Variants in PDZD2 observed in about 807,000 individuals in gnomAD.
The protein encoded by PDZD2 is PDZ domain-containing protein 2.
Under a neutral mutation model 220.7 loss-of-function variants are expected in PDZD2, and 90 were observed. That is an observed-to-expected ratio of 0.41 (90% CI 0.34 to 0.49). The LOEUF (loss-of-function observed/expected upper bound fraction) is 0.49, where lower values mean the gene tolerates loss of function less well. PDZD2 is among the 20% of genes least tolerant of loss of function. The pLI is 0.28. For missense variants in PDZD2, 3,174 were observed against 3,608.5 expected (o/e 0.88, Z 3.08); for synonymous variants, 1,375 against 1,450.5 (o/e 0.95, Z 1.18).
In PDZD2 at chr5:32,000,943, T is replaced by C. The variant is rs1301830893; in HGVS notation, c.1254+672T>C. 6.6e-6 allele frequency among the ~76,000 whole-genome samples: 1 copy of C among 152,190 alleles called. No individual in the cohort carries two copies. Among genetic ancestry groups the C allele is most frequent in the East Asian group, 1.9e-4 (1 of 5,190 alleles). On this transcript the variant is annotated intron_variant, in intron 5 of 24. Transcript: ENST00000438447. This position sits in a 1 kb window ranked among gnomAD's most constrained non-coding sequence, Gnocchi z 4.5. The stretch of plus-strand genomic sequence containing the variant: ...GAGTGGCCTGTGAGACAGCGTTACC[T>C]CCTGAGAGCTCCGCCTCCTGTCAGA...
chr5:31,915,713 A>G (rs984788385), intron 2 of PDZD2, among the ~76,000 whole-genome samples: 1 of 152,156 alleles, frequency 6.6e-6, no homozygotes, highest in Non-Finnish European at 1.5e-5. Flanking sequence ...GTAGAGACAA[A>G]TATTACTCTT....
chr5:31,934,381 G>C (rs1247496909), intron 2 of PDZD2, among the ~76,000 whole-genome samples: 1 of 152,062 alleles, frequency 6.6e-6, no homozygotes, highest in African/African-American at 2.4e-5. Context: ...CTCCCTGCTG[G>C]TGTTTGGAGA....
At chr5:31,704,343 A>G (rs1452252674) in intron 1 of PDZD2, among the ~76,000 whole-genome samples, 1 of 152,156 alleles carries the variant, frequency 6.6e-6, no homozygotes, top group African/African-American at 2.4e-5. Context: ...CATTTCTTCT[A>G]AATCTTTTTC....
intron 1 of PDZD2, among the ~76,000 whole-genome samples, chr5:31,752,073 G>GTTTTGTTTTTTTTTTTTTTT (rs1751018299): frequency 5.3e-5 from 5 of 95,064 alleles, no homozygotes; most frequent in African/African-American, 2.1e-4. Context: ...TTTTGGGTTT[G>GTTTTGTTTTTTTTTTTTTTT]TTTTTTTTTT....
intron 6 of PDZD2, among the ~76,000 whole-genome samples, chr5:32,029,772 C>T (rs75395448): frequency 0.011 from 1,653 of 152,336 alleles, 14 homozygotes; most frequent in Non-Finnish European, 0.015. Context: ...GTAACAACAG[C>T]CTCTGTCTCT....
chr5:32,028,328 G>C (rs941618725), intron 6 of PDZD2, among the ~76,000 whole-genome samples: 3 of 152,144 alleles, frequency 2.0e-5, no homozygotes, highest in African/African-American at 7.2e-5. Context: ...TTGGACCTAA[G>C]AGGCCTGTCT....
At chr5:31,772,780 T>C (rs1481058581) in intron 1 of PDZD2, among the ~76,000 whole-genome samples, 1 of 152,266 alleles carries the variant, frequency 6.6e-6, no homozygotes, top group African/African-American at 2.4e-5. Flanking sequence ...GGGCACCTCC[T>C]GTTTTTAGAA....
chr5:31,925,147 G>A (rs1744628492), intron 2 of PDZD2, among the ~76,000 whole-genome samples: 1 of 152,190 alleles, frequency 6.6e-6, no homozygotes, highest in Non-Finnish European at 1.5e-5. Flanking sequence ...CTTTAAGTGA[G>A]GCCATGGAAA....
At chr5:31,881,619 C>G (rs937320967) in intron 2 of PDZD2, among the ~76,000 whole-genome samples, 1 of 151,804 alleles carries the variant, frequency 6.6e-6, no homozygotes, top group African/African-American at 2.4e-5. Context: ...CTCAGGCGAT[C>G]CACCCACCTC....
intron 1 of PDZD2, among the ~76,000 whole-genome samples, chr5:31,737,164 CTTCT>C: frequency 1.5e-5 from 2 of 134,134 alleles, no homozygotes; most frequent in Non-Finnish European, 1.6e-5. Flanking sequence ...GAGCAGTCTA[CTTCT>C]TTTTTTTTTT....
At chr5:31,719,606 G>C (rs1748663172) in intron 1 of PDZD2, among the ~76,000 whole-genome samples, 1 of 152,246 alleles carries the variant, frequency 6.6e-6, no homozygotes, top group Middle Eastern at 3.4e-3. Context: ...GAACATAGTT[G>C]GAGAATCATT....
At chr5:31,898,530 C>T (rs929556745) in intron 2 of PDZD2, among the ~76,000 whole-genome samples, 2 of 152,200 alleles carry the variant, frequency 1.3e-5, no homozygotes, top group Admixed American at 6.6e-5. Flanking sequence ...AGCTTCCCAC[C>T]TTCCACCCCT....
intron 1 of PDZD2, among the ~76,000 whole-genome samples, chr5:31,726,608 TC>T (rs1749157086): frequency 6.6e-6 from 1 of 152,162 alleles, no homozygotes; most frequent in Non-Finnish European, 1.5e-5. Flanking sequence ...GAAACCCAGA[TC>T]AAAGTTGCCT....
intron 1 of PDZD2, among the ~76,000 whole-genome samples, chr5:31,782,863 G>A (rs536172171): frequency 2.0e-5 from 3 of 151,832 alleles, no homozygotes; most frequent in East Asian, 1.9e-4. Flanking sequence ...ACAGGTGCCC[G>A]CCACCACACC....
intron 1 of PDZD2, among the ~76,000 whole-genome samples, chr5:31,731,516 A>G (rs771600143): frequency 6.6e-6 from 1 of 152,132 alleles, no homozygotes; most frequent in Non-Finnish European, 1.5e-5. Flanking sequence ...ACTAAGCTGA[A>G]CCCTGTGTCT....
intron 2 of PDZD2, among the ~76,000 whole-genome samples, chr5:31,871,469 G>A (rs942210155): frequency 3.3e-5 from 5 of 151,838 alleles, no homozygotes; most frequent in African/African-American, 1.2e-4. Flanking sequence ...TTTTTTTGTT[G>A]TTGAGACAGT....
intron 19 of PDZD2, among the ~76,000 whole-genome samples, chr5:32,082,908 T>A (rs1581449008): frequency 6.6e-6 from 1 of 152,090 alleles, no homozygotes; most frequent in Non-Finnish European, 1.5e-5. Flanking sequence ...CGAGAGGAGG[T>A]GGTAGCTGTT....
At chr5:31,729,099 CTTTTTTTT>C (rs10650811) in intron 1 of PDZD2, among the ~76,000 whole-genome samples, 4 of 123,698 alleles carry the variant, frequency 3.2e-5, no homozygotes, top group Non-Finnish European at 4.8e-5. Context: ...TGATCGAAAT[CTTTTTTTT>C]TTTTTTTTTT....
chr5:31,837,428 A>T (rs1164177284), intron 2 of PDZD2, among the ~76,000 whole-genome samples: 1 of 152,154 alleles, frequency 6.6e-6, no homozygotes, highest in Non-Finnish European at 1.5e-5. Context: ...TTAAACGATC[A>T]TAAAGAATAT....
Sources: gnomAD v4.1 joint callset for allele counts (sites outside exome capture counted in the v4.1 genomes callset) on GRCh38, gnomAD v4.1.1 for gene constraint, Gnocchi (gnomAD v3.1) non-coding constraint, MANE v1.5 for transcripts, NCBI Gene and HGNC (gene_info 2026-07-23, HGNC 2026-07-21) for gene names.